The following EXOC3L4 variants were observed in gnomAD, a reference collection of about 807,000 sequenced individuals.
EXOC3L4 encodes the protein exocyst complex component 3-like protein 4.
In EXOC3L4, 62 loss-of-function variants were observed where a neutral mutation model predicts 69.7. The observed-to-expected ratio is 0.89, with a 90% CI of 0.72 to 1.10. The LOEUF (loss-of-function observed/expected upper bound fraction) is 1.10. Among genes scored for constraint, EXOC3L4 ranks in the 50% least tolerant of loss-of-function variants. The probability of loss-of-function intolerance (pLI) is 0.00; values close to 1 mark genes in which losing one functional copy is unlikely to be tolerated. For synonymous variants in EXOC3L4, 502 were observed against 464.2 expected (o/e 1.08, Z -1.05); for missense variants, 1,087 against 1,034.8 (o/e 1.05, Z -0.69).
rs200540457 is a variant in EXOC3L4, at chr14:103,102,727, A to G, written c.1004A>G (p.Glu335Gly). Residue 335 changes from glutamate to glycine, a missense_variant, in exon 3 of 12, where the codon GAG (glutamate) becomes GGG (glycine). Physicochemically the swap from Glu to Gly is moderately conservative, Grantham distance 98. Coordinates refer to ENST00000688303, the MANE Select transcript of EXOC3L4 (RefSeq NM_001077594.2). The stretch of plus-strand genomic sequence containing the variant: ...CTCGCGCGCGACGCCCGCGGCTGCG[A>G]GCAGCTCTATATCCTGCTGGACTGG... The part of the protein sequence containing the change: ...QELARDARGC[E>G]QLYILLDWAA... 4.4e-3 allele frequency: 6,419 copies of G among 1,452,218 alleles called. 29 individuals are homozygous for G. The highest frequency in any genetic ancestry group is 5.1e-3 in the Non-Finnish European group (5,591 of 1,106,590). 90.0% of individuals were successfully genotyped at this position (1,452,218 alleles called of 1,614,324 possible). A position where few individuals can be genotyped will look rare whatever the true frequency, so the allele number is the denominator to read the frequency against.
chr14:103,110,352 G>A lies in EXOC3L4; in HGVS notation c.*129G>A, dbSNP rs373738663. 6.2e-5 allele frequency: 71 copies of A among 1,148,758 alleles called. No individual in the cohort carries two copies. The highest frequency in any genetic ancestry group is 1.2e-4 in the Admixed American group (6 of 49,966). 71.2% of individuals were successfully genotyped at this position (1,148,758 alleles called of 1,614,324 possible). A position where few individuals can be genotyped will look rare whatever the true frequency, so the allele number is the denominator to read the frequency against. ...ACACTGCAGTTAGGGAATTTTTGTC[G>A]TCAGCAGCCAAGCGCAGCTGTCAGG... On this transcript the variant is annotated 3_prime_UTR_variant, in exon 12 of 12. Coordinates refer to ENST00000688303, the MANE Select transcript of EXOC3L4 (RefSeq NM_001077594.2).
At position 103,102,295 on chromosome 14, in the gene EXOC3L4, C is replaced by G. The variant is rs982370569; in HGVS notation, c.572C>G (p.Ala191Gly). ...TGCCTGCTTTACGACGGGCTGGCAG[C>G]CGAGATCGGCGCCATCGTGCGCGAG... ...DVCLLYDGLA[A>G]EIGAIVRETL... Residue 191 changes from alanine (A) to glycine (G), a missense_variant, in exon 3 of 12, where the codon GCC (alanine) becomes GGC (glycine). Physicochemically the swap from Ala to Gly is moderately conservative, Grantham distance 60. Coordinates refer to ENST00000688303, the MANE Select transcript of EXOC3L4 (RefSeq NM_001077594.2). The G allele has an allele frequency of 1.3e-6, 2 of 1,573,990 alleles. No homozygotes were observed. Among genetic ancestry groups the G allele is most frequent in the African/African-American group, 2.7e-5 (2 of 74,190 alleles).
At chr14:103,109,858 C>A (rs1890822174) in intron 11 of EXOC3L4, among the ~76,000 whole-genome samples, 173 bp from the exon 12 acceptor site, 1 of 151,358 alleles carries the variant, frequency 6.6e-6, no homozygotes, top group Admixed American at 6.6e-5. Flanking sequence ...GGCCCACGCC[C>A]TGCCCCCTCC....
Position 103,100,622 on chromosome 14 carries a change from CT to C in EXOC3L4, c.394+10del. Reference sequence around the variant, plus strand: ...ACTGAAACCCGAGGCAGGTAAGGGCCTCAGAAACAACACGAAGCATGAAAGG... The same window carrying C: ...ACTGAAACCCGAGGCAGGTAAGGGCCCAGAAACAACACGAAGCATGAAAGG... On this transcript the variant is annotated intron_variant, in intron 2 of 11. Coordinates refer to ENST00000688303, the MANE Select transcript of EXOC3L4 (RefSeq NM_001077594.2). The C allele has an allele frequency of 6.3e-7, 1 of 1,595,476 alleles. No homozygotes were observed. Among genetic ancestry groups the C allele is most frequent in the East Asian group, 2.3e-5 (1 of 44,366 alleles).
Position 103,107,454 on chromosome 14 carries a change from T to C in EXOC3L4, c.1612T>C (p.Trp538Arg), listed in dbSNP as rs772586533. The C allele has an allele frequency of 6.2e-7, 1 of 1,613,976 alleles. No homozygotes were observed. Residue 538 changes from tryptophan to arginine, a missense_variant, in exon 9 of 12, where the codon TGG (tryptophan) becomes CGG (arginine). Trp to Arg is a moderately radical substitution (Grantham distance 101). Transcript: ENST00000688303. ...CTTCAGGGTTGTGTGCACCAGGGAC[T>C]GGCTGACGCAGGACTGGCTGCATCC... ...PLFRVVCTRD[W>R]LTQDWLHPLM...
In EXOC3L4 at chr14:103,097,825, G is replaced by T. The variant is rs886289227; in HGVS notation, c.-16-2379G>T. ...AGCTGGAGGCTGGGCGTGCAGCCGGGAGGACAGAGAAGAAGCTGGGTGGGG... is the reference window on the plus strand; with the variant it reads ...AGCTGGAGGCTGGGCGTGCAGCCGGTAGGACAGAGAAGAAGCTGGGTGGGG... On this transcript the variant is annotated intron_variant, in intron 1 of 11. Coordinates refer to ENST00000688303, the MANE Select transcript of EXOC3L4 (RefSeq NM_001077594.2). The surrounding 1 kb of genome is among the most constrained non-coding windows in gnomAD (Gnocchi z 4.9). 3.3e-5 allele frequency among the ~76,000 whole-genome samples: 5 copies of T among 152,142 alleles called. No homozygotes were observed. The highest frequency in any genetic ancestry group is 1.2e-4 in the African/African-American group (5 of 41,432).
rs564533407 is a variant in EXOC3L4, at chr14:103,097,287, G to A, written c.-17+2447G>A. On this transcript the variant is annotated intron_variant, in intron 1 of 11. Coordinates refer to ENST00000688303, the MANE Select transcript of EXOC3L4 (RefSeq NM_001077594.2). The surrounding 1 kb of genome is among the most constrained non-coding windows in gnomAD (Gnocchi z 4.9). ...GCCTGACCTGGGGAGAGTGGGACCCGGGGCTCAGGCCGGGCGTCAGTCTCT... is the reference window on the plus strand; with the variant it reads ...GCCTGACCTGGGGAGAGTGGGACCCAGGGCTCAGGCCGGGCGTCAGTCTCT... Among the ~76,000 whole-genome samples, 6 of 152,288 alleles carry A rather than the reference G, an allele frequency of 3.9e-5. No homozygotes were observed. Among genetic ancestry groups the A allele is most frequent in the South Asian group, 2.1e-4 (1 of 4,824 alleles).
At position 103,100,445 on chromosome 14, in the gene EXOC3L4, T is replaced by TTCCGGCGAAGCTCCTGC; in HGVS notation, c.230_246dup (p.Leu83GlyfsTer15). ...GGTCTCCAAGGAAGATACGGGCCTG[T>TTCCGGCGAAGCTCCTGC]TCCGGCGAAGCTCCTGCTCCCTGTT... On this transcript the variant is annotated frameshift_variant, in exon 2 of 12. Coordinates refer to ENST00000688303, the MANE Select transcript of EXOC3L4 (RefSeq NM_001077594.2). LOFTEE classifies it high-confidence loss of function. 6.2e-7 allele frequency: 1 copy of TTCCGGCGAAGCTCCTGC among 1,613,416 alleles called. No individual in the cohort carries two copies. Among genetic ancestry groups the TTCCGGCGAAGCTCCTGC allele is most frequent in the East Asian group, 2.2e-5 (1 of 44,884 alleles).
intron 2 of EXOC3L4, 21 bp downstream of exon 2, chr14:103,100,634 A>G (rs757446635): frequency 6.3e-7 from 1 of 1,585,394 alleles, no homozygotes; most frequent in Non-Finnish European, 8.6e-7. Flanking sequence ...CAGAAACAAC[A>G]CGAAGCATGA....
In EXOC3L4 at chr14:103,097,108, G is replaced by A. The variant is rs771475291; in HGVS notation, c.-17+2268G>A. The stretch of plus-strand genomic sequence containing the variant: ...CGGGAGGGAAGGTCTAGGGGAAAGC[G>A]GGGAGTAGAAGCTGAGGCTGGGGGT... On this transcript the variant is annotated intron_variant, in intron 1 of 11. Transcript: ENST00000688303. This position sits in a 1 kb window ranked among gnomAD's most constrained non-coding sequence, Gnocchi z 4.9. Among the ~76,000 whole-genome samples the A allele has an allele frequency of 3.3e-5, 5 of 151,494 alleles. No individual in the cohort carries two copies. Among genetic ancestry groups the A allele is most frequent in the Admixed American group, 6.6e-5 (1 of 15,222 alleles).
intron 1 of EXOC3L4, among the ~76,000 whole-genome samples, chr14:103,099,550 C>T (rs972728458): frequency 3.9e-5 from 6 of 152,370 alleles, no homozygotes; most frequent in African/African-American, 1.4e-4. Flanking sequence ...CCTTCTGCCG[C>T]CCCTGTGGCT....
rs56147384 is a variant in EXOC3L4 at position 103,103,797 on chromosome 14, C to CGTGT, written c.1050-115_1050-112dup. 3,050 of 433,138 alleles carry CGTGT rather than the reference C, an allele frequency of 7.0e-3. 11 individuals carry two copies. Among genetic ancestry groups the CGTGT allele is most frequent in the East Asian group, 0.015 (358 of 24,490 alleles). 26.8% of individuals were successfully genotyped at this position (433,138 alleles called of 1,614,324 possible). A position where few individuals can be genotyped will look rare whatever the true frequency, so the allele number is the denominator to read the frequency against. ...GCATGGCAGCCTAGAGGCGCGCGCG[C>CGTGT]GTGTGTGTGTGTGTGTGTGTGTGTG... On this transcript the variant is annotated intron_variant, in intron 3 of 11. Transcript: ENST00000688303.
At chr14:103,108,113 C>T (rs931962699) in intron 10 of EXOC3L4, among the ~76,000 whole-genome samples, 6 of 152,200 alleles carry the variant, frequency 3.9e-5, no homozygotes, top group African/African-American at 1.2e-4. Context: ...GCACACCCCT[C>T]GTCTGCCCCC....
At position 103,100,435 on chromosome 14, in the gene EXOC3L4, T is replaced by A. The variant is rs772381031; in HGVS notation, c.216T>A (p.Asp72Glu). The A allele has an allele frequency of 6.2e-7, 1 of 1,613,278 alleles. No individual in the cohort carries two copies. Among genetic ancestry groups the A allele is most frequent in the Non-Finnish European group, 8.5e-7 (1 of 1,179,896 alleles). The change falls in exon 2 of 12, where the codon GAT becomes GAA. Residue 72 changes from aspartate (D) to glutamate (E), a missense_variant. Transcript: ENST00000688303. The stretch of plus-strand genomic sequence containing the variant: ...CTTTGACCCAGGTCTCCAAGGAAGA[T>A]ACGGGCCTGTTCCGGCGAAGCTCCT... ...QRALTQVSKE[D>E]TGLFRRSSCS...
chr14:103,094,415 C>A (rs562534763), upstream of EXOC3L4, among the ~76,000 whole-genome samples: 1 of 152,124 alleles, frequency 6.6e-6, no homozygotes, highest in South Asian at 2.1e-4. Context: ...CCGAGGCCAG[C>A]GCCTGCTTCC....
At chr14:103,103,791 C>CGTGTGT (rs759189510) in intron 3 of EXOC3L4, 150 bp from the exon 4 acceptor site, 67 of 459,306 alleles carry the variant, frequency 1.5e-4, no homozygotes, top group East Asian at 1.2e-3. Flanking sequence ...CCTAGAGGCG[C>CGTGTGT]GCGCGCGTGT....
At chr14:103,106,545 G>A (rs1383223387) in intron 7 of EXOC3L4, among the ~76,000 whole-genome samples, 1 of 152,204 alleles carries the variant, frequency 6.6e-6, no homozygotes. Flanking sequence ...AGGGATGGAA[G>A]GTCTGTCCCA....
At chr14:103,102,050 G>A in intron 2 of EXOC3L4, 68 bp from the exon 3 acceptor site, 2 of 1,478,888 alleles carry the variant, frequency 1.4e-6, no homozygotes, top group Non-Finnish European at 1.8e-6. Context: ...GCCGTGGCCT[G>A]CAGGTCTTCG....
rs1890642308 is a variant in EXOC3L4, at chr14:103,107,631, G to A, written c.1702G>A (p.Glu568Lys). The A allele has an allele frequency of 6.3e-7, 1 of 1,594,358 alleles. No homozygotes were observed. Among genetic ancestry groups the A allele is most frequent in the African/African-American group, 1.3e-5 (1 of 74,698 alleles). The change falls in exon 10 of 12, where the codon GAG becomes AAG. Residue 568 changes from glutamate (E) to lysine (K), a missense_variant and splice_region_variant. Transcript: ENST00000688303. ...CTGACCCTGACCCTGGGCCGCCCAG[G>A]AGACTCTGCAGGAGGTGCACCGGTT... ...LQRVARPRAQ[E>K]TLQEVHRFVV...
Sources: gnomAD v4.1 joint callset for allele counts (sites outside exome capture counted in the v4.1 genomes callset) on GRCh38, gnomAD v4.1.1 for gene constraint, Gnocchi (gnomAD v3.1) non-coding constraint, MANE v1.5 for transcripts, NCBI Gene and HGNC (gene_info 2026-07-23, HGNC 2026-07-21) for gene names.